CCDC3: variants seen among roughly 807,000 people sequenced by gnomAD.
The protein encoded by CCDC3 is coiled-coil domain-containing protein 3.
Under a neutral mutation model 21.4 loss-of-function variants are expected in CCDC3, and 24 were observed. The ratio of observed to expected loss-of-function variants is 1.12; its 90% confidence interval spans 0.81 to 1.58. The LOEUF (loss-of-function observed/expected upper bound fraction) is 1.58. Ranked by LOEUF, CCDC3 falls within the 40% of genes most tolerant of loss-of-function variation. The probability of loss-of-function intolerance (pLI) is 0.00; values close to 1 mark genes in which losing one functional copy is unlikely to be tolerated. For synonymous variants in CCDC3, 186 were observed against 166.0 expected (o/e 1.12, Z -0.93); for missense variants, 425 against 360.9 (o/e 1.18, Z -1.44).
chr10:13,000,990 C>G (rs1453042776), intron 1 of CCDC3, among the ~76,000 whole-genome samples: 1 of 152,176 alleles, frequency 6.6e-6, no homozygotes. Context: ...TCTTTTAAAC[C>G]GCCTTAACCA....
intron 2 of CCDC3, among the ~76,000 whole-genome samples, chr10:12,901,908 G>T (rs770733187): frequency 7.2e-5 from 11 of 152,076 alleles, no homozygotes; most frequent in Non-Finnish European, 1.6e-4. Context: ...TCTTCCTCCC[G>T]CCTGGAGCAC....
chr10:12,962,801 G>C (rs1267334483), intron 2 of CCDC3, among the ~76,000 whole-genome samples: 1 of 152,250 alleles, frequency 6.6e-6, no homozygotes, highest in Middle Eastern at 3.4e-3. Flanking sequence ...CAAGAGTAAA[G>C]TTTTTCCCAA....
At chr10:12,969,767 T>G (rs1835314668) in intron 2 of CCDC3, among the ~76,000 whole-genome samples, 1 of 150,306 alleles carries the variant, frequency 6.7e-6, no homozygotes, top group African/African-American at 2.4e-5. Flanking sequence ...AAGATATTCA[T>G]TCTTAAAAAA....
chr10:13,071,112 T>C (rs1468635617), intron 4 of CCDC3, among the ~76,000 whole-genome samples: 2 of 152,088 alleles, frequency 1.3e-5, no homozygotes, highest in Non-Finnish European at 2.9e-5. Context: ...GTTTCCTTTT[T>C]GGGAAAGTAA....
At chr10:13,045,897 A>C (rs1225373295) in intron 5 of CCDC3, among the ~76,000 whole-genome samples, 1 of 151,198 alleles carries the variant, frequency 6.6e-6, no homozygotes, top group East Asian at 2.0e-4. Flanking sequence ...AAGACCAGCC[A>C]GGCCAAGTTG....
chr10:12,985,009 G>A (rs1835565125), intron 2 of CCDC3, among the ~76,000 whole-genome samples: 1 of 152,136 alleles, frequency 6.6e-6, no homozygotes, highest in Admixed American at 6.5e-5. Flanking sequence ...TGGATATACT[G>A]AAAACCACTT....
In CCDC3 at chr10:12,897,124, G is replaced by A. The variant is rs10795991; in HGVS notation, c.*1292C>T. ...GGGTCTCTGGGGGGCAGATCCTGAT[G>A]AGAGGCCAGGAGCCTTTACTGGTGG... is the stretch of plus-strand genomic sequence containing the variant. On this transcript the variant is annotated 3_prime_UTR_variant, in exon 3 of 3. Transcript: ENST00000378825. 0.17 allele frequency: 25,475 copies of A among 152,474 alleles called. 2,257 individuals carry two copies. The highest frequency in any genetic ancestry group is 0.33 in the South Asian group (1,600 of 4,810). 9.4% of individuals were successfully genotyped at this position (152,474 alleles called of 1,614,324 possible). A position where few individuals can be genotyped will look rare whatever the true frequency, so the allele number is the denominator to read the frequency against.
Position 12,980,574 on chromosome 10 carries a change from A to C in CCDC3, c.549+17764T>G, listed in dbSNP as rs115307798. ...GAGGAAGAAAGGCTTAGGTAAGCAA[A>C]GATAATGTCTTCTTCCCCGGAGAAG... On this transcript the variant is annotated intron_variant, in intron 2 of 2. Transcript: ENST00000378825. Among the ~76,000 whole-genome samples the C allele has an allele frequency of 6.4e-3, 974 of 152,302 alleles. 9 individuals are homozygous for C. The highest frequency in any genetic ancestry group is 0.022 in the African/African-American group (909 of 41,572).
intron 2 of CCDC3, among the ~76,000 whole-genome samples, chr10:12,953,119 CCA>C (rs1308836422): frequency 6.6e-6 from 1 of 152,152 alleles, no homozygotes; most frequent in African/African-American, 2.4e-5. Flanking sequence ...ACTTACAGTT[CCA>C]CACAGCTGGG....
intron 5 of CCDC3, among the ~76,000 whole-genome samples, chr10:13,015,424 C>G (rs1213382890): frequency 6.6e-6 from 1 of 152,034 alleles, no homozygotes. Flanking sequence ...TAGCACTACC[C>G]TGGGTCTTCT....
intron 3 of CCDC3, among the ~76,000 whole-genome samples, chr10:13,082,898 T>G (rs1255691702): frequency 1.3e-5 from 2 of 152,246 alleles, no homozygotes; most frequent in Admixed American, 1.3e-4. Flanking sequence ...ATAATATTCA[T>G]ATATAATCAT....
intron 2 of CCDC3, among the ~76,000 whole-genome samples, chr10:12,940,226 ATTGT>A (rs1564291658): frequency 2.8e-5 from 3 of 107,074 alleles, no homozygotes; most frequent in East Asian, 3.9e-4. Context: ...AATCATTGAA[ATTGT>A]TTTTTTTTTT....
At chr10:13,067,304 A>AT (rs1836832871) in intron 4 of CCDC3, among the ~76,000 whole-genome samples, 1 of 151,882 alleles carries the variant, frequency 6.6e-6, no homozygotes, top group Non-Finnish European at 1.5e-5. Context: ...AGTAAGAGGT[A>AT]TTTTCCCCAG....
intron 3 of CCDC3, among the ~76,000 whole-genome samples, chr10:13,087,035 G>A (rs1046252509): frequency 6.6e-6 from 1 of 152,200 alleles, no homozygotes; most frequent in Non-Finnish European, 1.5e-5. Flanking sequence ...GTATCCTAAA[G>A]CCTGTTGGCA....
At chr10:13,060,540 T>A (rs1218167123) in intron 4 of CCDC3, among the ~76,000 whole-genome samples, 1 of 152,188 alleles carries the variant, frequency 6.6e-6, no homozygotes, top group Non-Finnish European at 1.5e-5. Flanking sequence ...GGTCTCACTC[T>A]GTTGCCCAAG....
chr10:13,037,118 C>A (rs771214161), intron 5 of CCDC3, among the ~76,000 whole-genome samples: 40 of 152,080 alleles, frequency 2.6e-4, no homozygotes, highest in Non-Finnish European at 4.9e-4. Context: ...TATCACATAA[C>A]TAATTCCCAT....
chr10:12,961,528 T>C (rs953165414), intron 2 of CCDC3, among the ~76,000 whole-genome samples: 2 of 152,156 alleles, frequency 1.3e-5, no homozygotes, highest in African/African-American at 4.8e-5. Flanking sequence ...TTGTGAGCCT[T>C]TGCAAAGGAT....
rs1007002444 is a variant in CCDC3, at chr10:12,904,123, G to A, written c.550-5444C>T. 2.4e-4 allele frequency among the ~76,000 whole-genome samples: 36 copies of A among 152,144 alleles called. No individual in the cohort carries two copies. The East Asian group carries it at 3.5e-3, about 15-fold the overall frequency. On this transcript the variant is annotated intron_variant, in intron 2 of 2. Coordinates refer to ENST00000378825, the MANE Select transcript of CCDC3 (RefSeq NM_031455.4). The stretch of plus-strand genomic sequence containing the variant: ...GAGTATTTCATGGGAGCTGGAGGAG[G>A]GAGCATCTGGTGGTTCCACTTGGCC...
At chr10:12,915,175 A>C (rs1047782770) in intron 2 of CCDC3, among the ~76,000 whole-genome samples, 1 of 152,192 alleles carries the variant, frequency 6.6e-6, no homozygotes, top group Non-Finnish European at 1.5e-5. Context: ...TTTTTCTGAA[A>C]CCAGAATTGA....
Sources: allele counts gnomAD v4.1 joint callset (sites outside exome capture counted in the v4.1 genomes callset), GRCh38; gene constraint gnomAD v4.1.1; transcripts MANE v1.5; gene names NCBI Gene and HGNC (gene_info 2026-07-23, HGNC 2026-07-21).